Variants in NTM observed in about 807,000 individuals in gnomAD.
NTM encodes the protein neurotrimin, also known as IgLON family member 2.
NTM carries 13 observed loss-of-function variants against 42.1 expected under a neutral mutation model. The ratio of observed to expected loss-of-function variants is 0.31; its 90% confidence interval spans 0.20 to 0.49. The LOEUF (loss-of-function observed/expected upper bound fraction) is 0.49. NTM is among the 20% of genes least tolerant of loss of function. The pLI is 0.99. For missense variants in NTM, 373 were observed against 452.8 expected (o/e 0.82, Z 1.60); for synonymous variants, 187 against 179.2 (o/e 1.04, Z -0.35).
Position 132,335,204 on chromosome 11 carries a change from C to A in NTM, c.*58C>A. 6.3e-7 allele frequency: 1 copy of A among 1,581,770 alleles called. No individual in the cohort carries two copies. ...GCCGCCACCACCACCACCAACACAA[C>A]AGCAATGGCAACACCGACAGCAACC... is the stretch of plus-strand genomic sequence containing the variant. On this transcript the variant is annotated 3_prime_UTR_variant, in exon 9 of 9. Coordinates refer to ENST00000683400, the MANE Select transcript of NTM (RefSeq NM_001352005.2).
intron 1 of NTM, among the ~76,000 whole-genome samples, chr11:131,527,310 G>T (rs2050638359): frequency 6.6e-6 from 1 of 152,108 alleles, no homozygotes; most frequent in South Asian, 2.1e-4. Flanking sequence ...CTGGGGGCTG[G>T]ATTTTATATT....
chr11:131,562,957 A>G (rs1592060117), intron 1 of NTM, among the ~76,000 whole-genome samples: 2 of 152,134 alleles, frequency 1.3e-5, no homozygotes, highest in African/African-American at 4.8e-5. Flanking sequence ...TGGGCCCTCC[A>G]TGGCCCCAGG....
chr11:131,963,421 T>A (rs538225522), intron 2 of NTM, among the ~76,000 whole-genome samples: 43 of 152,334 alleles, frequency 2.8e-4, no homozygotes, highest in Admixed American at 2.2e-3. Context: ...AAAGAAAACA[T>A]GTCCTCTGCT....
intron 1 of NTM, among the ~76,000 whole-genome samples, chr11:131,568,726 C>A (rs1045661208): frequency 2.6e-5 from 4 of 152,136 alleles, no homozygotes; most frequent in African/African-American, 9.7e-5. Flanking sequence ...GTTTCTCATT[C>A]CACCACGGCC....
intron 1 of NTM, among the ~76,000 whole-genome samples, chr11:131,746,747 C>T (rs754480387): frequency 3.9e-4 from 59 of 152,092 alleles, no homozygotes; most frequent in Admixed American, 6.6e-4. Context: ...GCTTCATATG[C>T]TTGGCATTTT....
At chr11:132,029,779 G>A (rs2075682238) in intron 2 of NTM, among the ~76,000 whole-genome samples, 1 of 152,158 alleles carries the variant, frequency 6.6e-6, no homozygotes, top group Admixed American at 6.5e-5. Flanking sequence ...AAGCATATAA[G>A]GGAGGGAGTG....
At chr11:131,641,729 ATTTTT>A (rs139661617) in intron 1 of NTM, among the ~76,000 whole-genome samples, 5 of 140,612 alleles carry the variant, frequency 3.6e-5, no homozygotes, top group Non-Finnish European at 4.6e-5. Flanking sequence ...AATAGTCTAG[ATTTTT>A]TTTTTTTTTT....
intron 1 of NTM, among the ~76,000 whole-genome samples, chr11:131,589,376 A>G (rs2059163570): frequency 6.6e-6 from 1 of 152,188 alleles, no homozygotes; most frequent in Non-Finnish European, 1.5e-5. Flanking sequence ...AAGTCCTCCC[A>G]GCACTAGCAT....
chr11:131,633,452 G>A (rs1386961495), intron 1 of NTM, among the ~76,000 whole-genome samples: 1 of 152,090 alleles, frequency 6.6e-6, no homozygotes, highest in Non-Finnish European at 1.5e-5. Context: ...TTTGAAGGTT[G>A]TTCTGTCTTC....
chr11:132,291,647 C>G (rs2094453901), intron 4 of NTM, among the ~76,000 whole-genome samples: 1 of 152,172 alleles, frequency 6.6e-6, no homozygotes, highest in Admixed American at 6.5e-5. Flanking sequence ...TACCTAGAAC[C>G]TAGCCCTGAG....
At chr11:131,909,413 C>T (rs2054350215) in intron 1 of NTM, among the ~76,000 whole-genome samples, 1 of 152,160 alleles carries the variant, frequency 6.6e-6, no homozygotes, top group African/African-American at 2.4e-5. Context: ...CTCTTTGATA[C>T]CGGATGGCTT....
chr11:131,924,262 CG>C (rs1273329477), intron 2 of NTM, among the ~76,000 whole-genome samples: 1 of 152,098 alleles, frequency 6.6e-6, no homozygotes, highest in Non-Finnish European at 1.5e-5. Context: ...CTTGTGGTCT[CG>C]GGGCCAAGGT....
At chr11:131,986,633 T>C (rs2066112073) in intron 2 of NTM, among the ~76,000 whole-genome samples, 1 of 152,236 alleles carries the variant, frequency 6.6e-6, no homozygotes, top group Admixed American at 6.5e-5. Flanking sequence ...CTTATACTCC[T>C]ATTTTAACAT....
chr11:131,999,040 C>T (rs1270861314), intron 2 of NTM, among the ~76,000 whole-genome samples: 1 of 152,180 alleles, frequency 6.6e-6, no homozygotes, highest in African/African-American at 2.4e-5. Flanking sequence ...CCCAGCTGAA[C>T]TGCCATGCTG....
At chr11:132,183,379 T>C (rs1309234999) in intron 3 of NTM, among the ~76,000 whole-genome samples, 1 of 152,172 alleles carries the variant, frequency 6.6e-6, no homozygotes, top group Admixed American at 6.5e-5. Context: ...CGTTTCCACT[T>C]TGTGCTTGGC....
intron 1 of NTM, among the ~76,000 whole-genome samples, chr11:131,671,041 C>T (rs553376983): frequency 1.3e-5 from 2 of 152,186 alleles, no homozygotes; most frequent in African/African-American, 4.8e-5. Flanking sequence ...TCACTCCATC[C>T]TCCCTTCTCT....
At chr11:131,989,377 G>A (rs2066617224) in intron 2 of NTM, among the ~76,000 whole-genome samples, 1 of 152,140 alleles carries the variant, frequency 6.6e-6, no homozygotes, top group Non-Finnish European at 1.5e-5. Context: ...GTTTAATCAT[G>A]TTTGACTTAC....
intron 1 of NTM, among the ~76,000 whole-genome samples, chr11:131,424,522 G>C (rs981839736): frequency 6.7e-6 from 1 of 149,782 alleles, no homozygotes; most frequent in Non-Finnish European, 1.5e-5. Flanking sequence ...GAAGCAGCAT[G>C]TTTATCTCAG....
intron 1 of NTM, among the ~76,000 whole-genome samples, chr11:131,525,205 C>A (rs2050300269): frequency 6.6e-6 from 1 of 152,160 alleles, no homozygotes; most frequent in East Asian, 1.9e-4. Flanking sequence ...AGAGCCATAA[C>A]CACCTGTCTG....
Sources: allele counts gnomAD v4.1 joint callset (sites outside exome capture counted in the v4.1 genomes callset), GRCh38; gene constraint gnomAD v4.1.1; transcripts MANE v1.5; gene names NCBI Gene and HGNC (gene_info 2026-07-23, HGNC 2026-07-21).